The following DMXL2 variants were observed in gnomAD, a reference collection of about 807,000 sequenced individuals.
The protein encoded by DMXL2 is dmX-like protein 2.
DMXL2 carries 103 observed loss-of-function variants against 331.1 expected under a neutral mutation model. The ratio of observed to expected loss-of-function variants is 0.31; its 90% CI spans 0.27 to 0.37. The LOEUF is 0.37. Among genes scored for constraint, DMXL2 ranks in the 10% least tolerant of loss-of-function variants. The pLI is 1.00. For missense variants in DMXL2, 3,171 were observed against 3,642.9 expected (o/e 0.87, Z 3.33); for synonymous variants, 1,281 against 1,252.1 (o/e 1.02, Z -0.49).
chr15:51,558,380 C>T (rs999598564), intron 6 of DMXL2, among the ~76,000 whole-genome samples: 1 of 152,098 alleles, frequency 6.6e-6, no homozygotes, highest in Non-Finnish European at 1.5e-5. Flanking sequence ...GACCCAAAGG[C>T]ATCATGAACC....
intron 41 of DMXL2, among the ~76,000 whole-genome samples, chr15:51,452,677 T>C (rs941326647): frequency 6.6e-6 from 1 of 152,142 alleles, no homozygotes; most frequent in African/African-American, 2.4e-5. Context: ...TGAAAAACAG[T>C]ATACGGAGAT....
Position 51,500,146 on chromosome 15 carries a change from G to C in DMXL2, c.3078C>G (p.Phe1026Leu). The C allele has an allele frequency of 3.7e-6, 6 of 1,614,142 alleles. No homozygotes were observed. The highest frequency in any genetic ancestry group is 5.1e-6 in the Non-Finnish European group (6 of 1,180,010). ...VTTCSDNKVR[F>L]WKCCMEANPE... ...GGTTGGCTTCCATACAACATTTCCA[G>C]AAGCGTACTTTATTGTCAGAACAAG... Residue 1026 changes from phenylalanine to leucine, a missense_variant, in exon 18 of 44, where the codon TTC becomes TTG. Physicochemically the swap from Phe to Leu is conservative, Grantham distance 22. Transcript: ENST00000560891.
intron 13 of DMXL2, among the ~76,000 whole-genome samples, chr15:51,526,909 G>A (rs2047706658): frequency 6.6e-6 from 1 of 152,028 alleles, no homozygotes; most frequent in East Asian, 1.9e-4. Flanking sequence ...ACCTCAAAAG[G>A]GCAAATCTAA....
chr15:51,520,551 T>C (rs1254469384), intron 13 of DMXL2, among the ~76,000 whole-genome samples: 1 of 152,092 alleles, frequency 6.6e-6, no homozygotes, highest in Non-Finnish European at 1.5e-5. Flanking sequence ...CCTGGCTGTA[T>C]TTTTCAGTTC....
chr15:51,591,007 G>A (rs1345602791), intron 1 of DMXL2, among the ~76,000 whole-genome samples: 1 of 152,206 alleles, frequency 6.6e-6, no homozygotes, highest in Non-Finnish European at 1.5e-5. Context: ...CAGAGTGAGC[G>A]ACGCAGAAGA....
At chr15:51,535,543 T>C in intron 13 of DMXL2, 120 bp downstream of exon 13, 1 of 842,494 alleles carries the variant, frequency 1.2e-6, no homozygotes. Flanking sequence ...ATATGTCATA[T>C]GCAGCCCAGA....
At chr15:51,512,498 T>C (rs2046815216) in intron 15 of DMXL2, among the ~76,000 whole-genome samples, 1 of 152,250 alleles carries the variant, frequency 6.6e-6, no homozygotes. Flanking sequence ...AACAACACTG[T>C]AGGTGGATTT....
chr15:51,493,848 T>A lies in DMXL2; in HGVS notation c.4783+1176A>T, dbSNP rs79478167. Reference sequence around the variant, plus strand: ...TCCAAATGGCATAGATTGCTTAAAATGTTAATATCAAATGTGGGCAATGGG... The same window carrying A: ...TCCAAATGGCATAGATTGCTTAAAAAGTTAATATCAAATGTGGGCAATGGG... On this transcript the variant is annotated intron_variant, in intron 19 of 43. Transcript: ENST00000560891. Among the ~76,000 whole-genome samples the A allele has an allele frequency of 6.3e-3, 954 of 152,348 alleles. 11 individuals carry two copies. The highest frequency in any genetic ancestry group is 0.022 in the African/African-American group (912 of 41,582).
chr15:51,495,283 T>C, intron 18 of DMXL2, 149 bp from the exon 19 acceptor site: 1 of 435,650 alleles, frequency 2.3e-6, no homozygotes, highest in Non-Finnish European at 4.0e-6. Context: ...TTAACGTCTT[T>C]ACAAAAAATT....
intron 28 of DMXL2, among the ~76,000 whole-genome samples, chr15:51,472,364 A>G (rs770421043): frequency 1.3e-5 from 2 of 152,168 alleles, no homozygotes; most frequent in Non-Finnish European, 2.9e-5. Flanking sequence ...TTTCTTTTTA[A>G]TTGAGGCAAA....
chr15:51,486,190 T>C lies in DMXL2; in HGVS notation c.5365A>G (p.Lys1789Glu), dbSNP rs761194089. 3 of 1,614,136 alleles carry C rather than the reference T, an allele frequency of 1.9e-6. No individual in the cohort carries two copies. The highest frequency in any genetic ancestry group is 1.7e-5 in the Admixed American group (1 of 60,026). ...CQKDGSGFSC[K>E]RLHPDPFLRS... ...AGGAAAGGATCAGGATGTAATCTTT[T>C]GCAACTGAATCCTGAGCCATCCTTT... Residue 1789 changes from lysine (K) to glutamate (E), a missense_variant, in exon 23 of 44, where the codon AAA (lysine) becomes GAA (glutamate). Physicochemically the swap from Lys to Glu is moderately conservative, Grantham distance 56. Around this residue, in one of 7 missense-constraint regions of DMXL2, gnomAD observed 252 missense variants for 387.4 expected, o/e 0.65. Transcript: ENST00000560891.
Position 51,516,324 on chromosome 15 carries a change from G to A in DMXL2, c.2526+754C>T, listed in dbSNP as rs139833924. Among the ~76,000 whole-genome samples, 693 of 152,238 alleles carry A rather than the reference G, an allele frequency of 4.6e-3. 5 individuals carry two copies. Among genetic ancestry groups the A allele is most frequent in the African/African-American group, 0.016 (657 of 41,556 alleles). On this transcript the variant is annotated intron_variant, in intron 14 of 43. Coordinates refer to ENST00000560891, the MANE Select transcript of DMXL2 (RefSeq NM_001378457.1). ...TCTCCTTCTTTCCTAGGTAGTAGCT[G>A]GGGAGGAATACTACACAAAGGACCT...
chr15:51,457,248 A>G, intron 37 of DMXL2, 80 bp downstream of exon 37: 1 of 1,442,858 alleles, frequency 6.9e-7, no homozygotes, highest in Non-Finnish European at 9.4e-7. Flanking sequence ...GAAATTTAGG[A>G]TCATTCCTAT....
intron 23 of DMXL2, among the ~76,000 whole-genome samples, chr15:51,483,193 T>C (rs2042142261): frequency 6.6e-6 from 1 of 152,206 alleles, no homozygotes; most frequent in African/African-American, 2.4e-5. Flanking sequence ...GCAACGGCAC[T>C]GACCCAGATT....
intron 40 of DMXL2, 53 bp from the exon 41 acceptor site, chr15:51,453,694 T>C (rs2039360384): frequency 1.4e-6 from 2 of 1,445,754 alleles, no homozygotes; most frequent in South Asian, 2.3e-5. Context: ...TAAAATTTGA[T>C]ACAGTACCAA....
intron 1 of DMXL2, among the ~76,000 whole-genome samples, chr15:51,598,490 A>G (rs921870005): frequency 3.9e-5 from 6 of 152,192 alleles, no homozygotes; most frequent in East Asian, 1.9e-4. Flanking sequence ...AACTGCTGCA[A>G]TAGTGTCCTT....
intron 1 of DMXL2, among the ~76,000 whole-genome samples, chr15:51,586,018 A>G (rs1162407504): frequency 3.9e-5 from 6 of 152,216 alleles, no homozygotes; most frequent in African/African-American, 4.8e-5. Context: ...TAGCATTTGA[A>G]TAAGTTCTTT....
chr15:51,516,744 G>C (rs1268128481), intron 14 of DMXL2, among the ~76,000 whole-genome samples: 2 of 152,296 alleles, frequency 1.3e-5, no homozygotes, highest in South Asian at 2.1e-4. Context: ...CACCCAAGTA[G>C]TGTACACTGT....
intron 6 of DMXL2, among the ~76,000 whole-genome samples, chr15:51,556,932 A>G (rs907065806): frequency 1.3e-5 from 2 of 152,198 alleles, no homozygotes; most frequent in Admixed American, 1.3e-4. Flanking sequence ...AACAGTAAAC[A>G]TTATATTTAT....
Sources: allele counts gnomAD v4.1 joint callset (sites outside exome capture counted in the v4.1 genomes callset), GRCh38; gene constraint gnomAD v4.1.1; regional missense constraint gnomAD v4.1.1; transcripts MANE v1.5; gene names NCBI Gene and HGNC (gene_info 2026-07-23, HGNC 2026-07-21).